The following PTPN20 variants were observed in gnomAD, a reference collection of about 807,000 sequenced individuals.
PTPN20 encodes tyrosine-protein phosphatase non-receptor type 20.
In PTPN20, 9 loss-of-function variants were observed where a neutral mutation model predicts 35.0. The observed-to-expected ratio is 0.26, with a 90% confidence interval of 0.15 to 0.45. PTPN20 has a LOEUF of 0.45. Among genes scored for constraint, PTPN20 ranks in the 20% least tolerant of loss-of-function variants. The probability of loss-of-function intolerance (pLI) is 1.00; values close to 1 mark genes in which losing one functional copy is unlikely to be tolerated. For missense variants in PTPN20, 111 were observed against 312.5 expected, an observed-to-expected ratio of 0.36 and a Z score of 4.86; for synonymous variants, 32 against 100.2, an observed-to-expected ratio of 0.32 and a Z score of 4.06.
rs2060035446 is a variant in PTPN20, at chr10:47,001,553, C to T, written c.*812C>T. On this transcript the variant is annotated 3_prime_UTR_variant, in exon 11 of 11. Coordinates refer to ENST00000374339, the MANE Select transcript of PTPN20 (RefSeq NM_001042357.5). ...CTTTAACTTGCCTCTTACTCTTTGCCCTTTAGCTAACTAATAAAGTTTGAT... is the reference window on the plus strand; with the variant it reads ...CTTTAACTTGCCTCTTACTCTTTGCTCTTTAGCTAACTAATAAAGTTTGAT... The T allele has an allele frequency of 6.6e-6, 1 of 151,990 alleles. No individual in the cohort carries two copies. The highest frequency in any genetic ancestry group is 2.4e-5 in the African/African-American group (1 of 41,390). 9.4% of individuals were successfully genotyped at this position (151,990 alleles called of 1,614,324 possible). A position where few individuals can be genotyped will look rare whatever the true frequency, so the allele number is the denominator to read the frequency against.
chr10:46,936,215 C>T (rs1354199679), intron 2 of PTPN20, among the ~76,000 whole-genome samples: 79 of 151,864 alleles, frequency 5.2e-4, no homozygotes, highest in East Asian at 1.2e-3. Flanking sequence ...ATGTGTTCTG[C>T]CAGGTTTTGG....
At chr10:46,939,089 G>A (rs1472941551) in intron 2 of PTPN20, among the ~76,000 whole-genome samples, 50 of 149,830 alleles carry the variant, frequency 3.3e-4, no homozygotes, top group African/African-American at 1.1e-3. Context: ...CTAGGTTTGC[G>A]GAATTTCCTA....
chr10:46,995,333 CTTTT>C (rs878968027), intron 9 of PTPN20, among the ~76,000 whole-genome samples: 1 of 85,656 alleles, frequency 1.2e-5, no homozygotes, highest in Non-Finnish European at 2.2e-5. Flanking sequence ...TTTTTTTTTT[CTTTT>C]TTTTTTTTTT....
Position 46,915,836 on chromosome 10 carries a change from TA to T in PTPN20, c.-124+4352del, listed in dbSNP as rs781898329. Among the ~76,000 whole-genome samples the T allele has an allele frequency of 5.4e-3, 365 of 67,284 alleles. 50 individuals are homozygous for T. The highest frequency in any genetic ancestry group is 0.046 in the South Asian group (66 of 1,430). The allele number at this position is 67,284 out of a possible 152,430, so 44.1% of individuals were successfully genotyped here. A position where few individuals can be genotyped will look rare whatever the true frequency, so the allele number is the denominator to read the frequency against. ...CGTGGCAACAGAGCAAGACTCCGTCTAAAAAAAAAAAAAAAAATGACCAGTG... is the reference window on the plus strand; with the variant it reads ...CGTGGCAACAGAGCAAGACTCCGTCTAAAAAAAAAAAAAAAATGACCAGTG... On this transcript the variant is annotated intron_variant, in intron 1 of 10. Transcript: ENST00000374339.
rs1325778881 is a variant in PTPN20 at position 47,002,322 on chromosome 10, A to T, written c.*1581A>T. ...TATTAAAATAAAATATTTACTGTGT[A>T]TTGCCTGAAGTATTTTTATTTATCT... On this transcript the variant is annotated 3_prime_UTR_variant, in exon 11 of 11. Coordinates refer to ENST00000374339, the MANE Select transcript of PTPN20 (RefSeq NM_001042357.5). The T allele has an allele frequency of 6.6e-6, 1 of 152,200 alleles. No individual in the cohort carries two copies. Among genetic ancestry groups the T allele is most frequent in the Non-Finnish European group, 1.5e-5 (1 of 67,916 alleles). 9.4% of individuals were successfully genotyped at this position (152,200 alleles called of 1,614,324 possible).
At chr10:46,999,709 A>T (rs2059766437) in intron 9 of PTPN20, among the ~76,000 whole-genome samples, 1 of 152,158 alleles carries the variant, frequency 6.6e-6, no homozygotes, top group Admixed American at 6.5e-5. Flanking sequence ...ATTATGAATG[A>T]TTGCTTCCTG....
chr10:46,953,568 A>G (rs1264407306), intron 5 of PTPN20, among the ~76,000 whole-genome samples: 1 of 138,684 alleles, frequency 7.2e-6, no homozygotes, highest in African/African-American at 3.1e-5. Flanking sequence ...GCCATTTATC[A>G]GATTAAGGGA....
At chr10:46,935,852 G>T (rs2133514763) in intron 2 of PTPN20, among the ~76,000 whole-genome samples, 1 of 152,272 alleles carries the variant, frequency 6.6e-6, no homozygotes, top group African/African-American at 2.4e-5. Context: ...TGGTAGTTCT[G>T]TTTTATGTTC....
At chr10:46,953,728 A>G (rs1294579837) in intron 5 of PTPN20, among the ~76,000 whole-genome samples, 1 of 145,842 alleles carries the variant, frequency 6.9e-6, no homozygotes, top group Non-Finnish European at 1.5e-5. Flanking sequence ...ATTTCCAAAT[A>G]TCTCACCTGC....
At chr10:46,920,559 G>A (rs2034800080) in intron 1 of PTPN20, among the ~76,000 whole-genome samples, 1 of 148,718 alleles carries the variant, frequency 6.7e-6, no homozygotes, top group Admixed American at 6.6e-5. Flanking sequence ...TGGGGGCAGG[G>A]TTCAGGGGAT....
At chr10:46,929,969 A>AT in intron 1 of PTPN20, among the ~76,000 whole-genome samples, 1 of 144,520 alleles carries the variant, frequency 6.9e-6, no homozygotes, top group East Asian at 2.0e-4. Context: ...AATGTTAATG[A>AT]TTTTAATATT....
chr10:46,968,724 C>T (rs2051478705), intron 7 of PTPN20, among the ~76,000 whole-genome samples: 1 of 150,830 alleles, frequency 6.6e-6, no homozygotes, highest in African/African-American at 2.5e-5. Flanking sequence ...TATTTTACTT[C>T]CTCCAACTTG....
intron 1 of PTPN20, among the ~76,000 whole-genome samples, chr10:46,920,584 T>G (rs2034824470): frequency 7.1e-6 from 1 of 140,174 alleles, no homozygotes; most frequent in Non-Finnish European, 1.5e-5. Context: ...CTCCCCAGAG[T>G]TTCTATGTTT....
At chr10:46,941,334 T>G (rs2043432537) in intron 3 of PTPN20, among the ~76,000 whole-genome samples, 1 of 135,282 alleles carries the variant, frequency 7.4e-6, no homozygotes. Flanking sequence ...CTCCTACCAC[T>G]TCCCCTGTTC....
chr10:47,000,786 G>T lies in PTPN20; in HGVS notation c.*45G>T, dbSNP rs1375419695. 1.9e-6 allele frequency: 3 copies of T among 1,605,766 alleles called. No homozygotes were observed. Among genetic ancestry groups the T allele is most frequent in the Middle Eastern group, 1.7e-4 (1 of 6,030 alleles). ...TCACTTGAAATTACCAAGTGGGTTT[G>T]CACCTCCTCATAAAGAACATGTTTG... On this transcript the variant is annotated 3_prime_UTR_variant, in exon 11 of 11. Coordinates refer to ENST00000374339, the MANE Select transcript of PTPN20 (RefSeq NM_001042357.5).
rs1302894962 is a variant in PTPN20, at chr10:46,953,958, A to G, written c.340+7283A>G. ...TTTGGGAAGTGTTTTCTCCTCTTCA[A>G]TATTCTGGAAAAGTTTGTATAAAAT... On this transcript the variant is annotated intron_variant, in intron 5 of 10. Coordinates refer to ENST00000374339, the MANE Select transcript of PTPN20 (RefSeq NM_001042357.5). Among the ~76,000 whole-genome samples, 6 of 129,762 alleles carry G rather than the reference A, an allele frequency of 4.6e-5. No homozygotes were observed. The South Asian group carries it at 1.4e-3, about 29-fold the overall frequency. 85.1% of individuals were successfully genotyped at this position (129,762 alleles called of 152,430 possible).
At chr10:46,937,307 T>G in intron 2 of PTPN20, among the ~76,000 whole-genome samples, 1 of 148,638 alleles carries the variant, frequency 6.7e-6, no homozygotes, top group Non-Finnish European at 1.5e-5. Flanking sequence ...TCTCTGGCAT[T>G]TTTTCTTTTC....
chr10:46,996,155 C>T (rs989507890), intron 9 of PTPN20, among the ~76,000 whole-genome samples: 1 of 152,054 alleles, frequency 6.6e-6, no homozygotes, highest in Non-Finnish European at 1.5e-5. Flanking sequence ...GCTTTGTTAA[C>T]CAGTACATCT....
chr10:46,933,432 A>G (rs1240765677), intron 2 of PTPN20, among the ~76,000 whole-genome samples: 1 of 151,232 alleles, frequency 6.6e-6, no homozygotes, highest in Non-Finnish European at 1.5e-5. Context: ...TGTAACTGTT[A>G]CTTGATACCA....
Sources: gnomAD v4.1 joint callset for allele counts (sites outside exome capture counted in the v4.1 genomes callset) on GRCh38, gnomAD v4.1.1 for gene constraint, MANE v1.5 for transcripts, NCBI Gene and HGNC (gene_info 2026-07-23, HGNC 2026-07-21) for gene names.